The following CNOT2 variants were observed in gnomAD, a reference collection of about 807,000 sequenced individuals.
The protein encoded by CNOT2 is CC chemokine receptor 4-negative regulator of transcription 2.
In CNOT2, 7 loss-of-function variants were observed where a neutral mutation model predicts 72.1. That is an observed-to-expected ratio of 0.10 (90% CI 0.06 to 0.18). The LOEUF is 0.18. Ranked by LOEUF, CNOT2 falls within the 10% of genes least tolerant of loss-of-function variation. CNOT2 has a pLI of 1.00. For missense variants in CNOT2, 345 were observed against 660.3 expected, an observed-to-expected ratio of 0.52 and a Z score of 5.23; for synonymous variants, 196 against 225.6, an observed-to-expected ratio of 0.87 and a Z score of 1.17.
At chr12:70,309,095 T>C (rs1466353522) in intron 2 of CNOT2, among the ~76,000 whole-genome samples, 1 of 152,116 alleles carries the variant, frequency 6.6e-6, no homozygotes, top group Non-Finnish European at 1.5e-5. Context: ...AATTACTCAC[T>C]AAGAAACATC....
At chr12:70,333,715 A>G (rs1880277513) in intron 7 of CNOT2, among the ~76,000 whole-genome samples, 1 of 152,022 alleles carries the variant, frequency 6.6e-6, no homozygotes, top group African/African-American at 2.4e-5. Flanking sequence ...GCTCAGCAGC[A>G]TAGATTAATC....
chr12:70,260,705 G>A (rs1408916627), intron 1 of CNOT2, among the ~76,000 whole-genome samples: 3 of 151,824 alleles, frequency 2.0e-5, no homozygotes, highest in African/African-American at 7.3e-5. Flanking sequence ...GTCAGTTTTT[G>A]CTTCATTCAT....
In CNOT2 at chr12:70,329,391, A is replaced by G. The variant is rs769223689; in HGVS notation, c.239-32A>G. On this transcript the variant is annotated intron_variant, in intron 4 of 15. Transcript: ENST00000229195. ...GATAACAATTTCATTCCTGATGGCA[A>G]TGAATTTCCTTCTTCTGAATTTTTT... is the stretch of plus-strand genomic sequence containing the variant. 5 of 1,578,964 alleles carry G rather than the reference A, an allele frequency of 3.2e-6. No homozygotes were observed. In the African/African-American group the frequency reaches 5.4e-5, roughly 17 times the overall value.
intron 1 of CNOT2, among the ~76,000 whole-genome samples, chr12:70,261,203 A>AT (rs1470673910): frequency 2.0e-5 from 3 of 149,406 alleles, no homozygotes; most frequent in Non-Finnish European, 4.4e-5. Flanking sequence ...CAGTTCTTGA[A>AT]TTTTTGGGAT....
At chr12:70,335,667 T>G in intron 8 of CNOT2, 104 bp downstream of exon 8, 1 of 773,564 alleles carries the variant, frequency 1.3e-6, no homozygotes, top group South Asian at 2.1e-5. Context: ...TGTACACATG[T>G]ATGTTTGCAT....
rs144580442 is a variant in CNOT2 at position 70,262,571 on chromosome 12, G to A, written c.-95-15561G>A. On this transcript the variant is annotated intron_variant, in intron 1 of 15. Coordinates refer to ENST00000229195, the MANE Select transcript of CNOT2 (RefSeq NM_014515.7). ...ATTATAGGCGTGAGCCACGGCGCCC[G>A]GCCTAATTACATAATTATTTTTATC... 3.2e-3 allele frequency among the ~76,000 whole-genome samples: 484 copies of A among 152,336 alleles called. 5 individuals are homozygous for A. Among genetic ancestry groups the A allele is most frequent in the African/African-American group, 0.011 (443 of 41,572 alleles).
chr12:70,267,616 A>C (rs1212750610), intron 1 of CNOT2, among the ~76,000 whole-genome samples: 1 of 152,226 alleles, frequency 6.6e-6, no homozygotes, highest in African/African-American at 2.4e-5. Flanking sequence ...CTTCAAGTGG[A>C]ATGTGGAAAC....
intron 2 of CNOT2, among the ~76,000 whole-genome samples, chr12:70,305,127 G>T (rs1209084234): frequency 4.6e-5 from 7 of 152,232 alleles, no homozygotes; most frequent in Non-Finnish European, 8.8e-5. Context: ...CCCGGGTGAG[G>T]CGATGCCCCG....
intron 4 of CNOT2, chr12:70,321,817 A>G (rs1320826558): frequency 6.6e-6 from 1 of 150,688 alleles, no homozygotes; most frequent in African/African-American, 2.5e-5. Context: ...GTCTTGGAAT[A>G]GATACAGAAG....
rs573786113 is a variant in CNOT2 at position 70,292,030 on chromosome 12, G to C, written c.48+13756G>C. Reference sequence around the variant, plus strand: ...AGGAGTGGACAGAAATGTAAGGGCAGACAGGTATTTGCATGTTCTCACAGT... The same window carrying C: ...AGGAGTGGACAGAAATGTAAGGGCACACAGGTATTTGCATGTTCTCACAGT... On this transcript the variant is annotated intron_variant, in intron 2 of 15. Coordinates refer to ENST00000229195, the MANE Select transcript of CNOT2 (RefSeq NM_014515.7). 3.9e-5 allele frequency among the ~76,000 whole-genome samples: 6 copies of C among 152,312 alleles called. No homozygotes were observed. In the South Asian group the frequency reaches 6.2e-4, roughly 16 times the overall value.
At chr12:70,305,480 C>A (rs946360342) in intron 2 of CNOT2, among the ~76,000 whole-genome samples, 1 of 151,938 alleles carries the variant, frequency 6.6e-6, no homozygotes, top group Non-Finnish European at 1.5e-5. Context: ...TAGGAAATGA[C>A]CGTAGAGATG....
intron 3 of CNOT2, among the ~76,000 whole-genome samples, chr12:70,318,629 A>G (rs1877759593): frequency 6.6e-6 from 1 of 151,816 alleles, no homozygotes; most frequent in Non-Finnish European, 1.5e-5. Context: ...AGCATTTACC[A>G]CACTGTGCCT....
chr12:70,305,829 T>TTAC (rs1483465401), intron 2 of CNOT2, among the ~76,000 whole-genome samples: 1 of 151,392 alleles, frequency 6.6e-6, no homozygotes, highest in African/African-American at 2.4e-5. Flanking sequence ...AGGGACCACT[T>TTAC]TACCCGTCTT....
Position 70,344,045 on chromosome 12 carries a change from A to C in CNOT2, c.1291-83A>C, listed in dbSNP as rs551958592. 7.3e-6 allele frequency: 6 copies of C among 822,886 alleles called. No individual in the cohort carries two copies. In the Admixed American group the frequency reaches 7.9e-5, roughly 11 times the overall value. The allele number at this position is 822,886 out of a possible 1,614,324, so 51.0% of individuals were successfully genotyped here. Reference sequence around the variant, plus strand: ...GTGGGGAGTTTCTGTTTATCTCTCCATTTTTTCTTTAGTAGTAGCAACTAT... The same window carrying C: ...GTGGGGAGTTTCTGTTTATCTCTCCCTTTTTTCTTTAGTAGTAGCAACTAT... On this transcript the variant is annotated intron_variant, in intron 13 of 15. Transcript: ENST00000229195.
intron 2 of CNOT2, 144 bp from the exon 3 acceptor site, chr12:70,310,751 T>C: frequency 3.4e-6 from 2 of 585,046 alleles, no homozygotes; most frequent in Non-Finnish European, 5.9e-6. Context: ...TTTATGACTT[T>C]ATCACATGCG....
intron 15 of CNOT2, among the ~76,000 whole-genome samples, chr12:70,348,847 AT>A (rs973708079): frequency 1.4e-4 from 22 of 151,834 alleles, no homozygotes; most frequent in African/African-American, 3.9e-4. Flanking sequence ...GGATTTACAT[AT>A]TTTTTATATA....
chr12:70,351,314 C>T (rs76976471), intron 15 of CNOT2, among the ~76,000 whole-genome samples: 14,497 of 152,108 alleles, frequency 0.095, 898 homozygotes, highest in Middle Eastern at 0.19. Context: ...TAGACACTTG[C>T]TCCTACAGAA....
chr12:70,273,387 T>C (rs924779133), intron 1 of CNOT2, among the ~76,000 whole-genome samples: 1 of 152,172 alleles, frequency 6.6e-6, no homozygotes, highest in African/African-American at 2.4e-5. Context: ...CAGTTAACTT[T>C]CAAGATATCT....
chr12:70,337,543 G>A, intron 9 of CNOT2, 30 bp downstream of exon 9: 1 of 1,601,876 alleles, frequency 6.2e-7, no homozygotes, highest in African/African-American at 1.3e-5. Context: ...GTATGTGAGT[G>A]ATGTAGTTTT....
Sources: gnomAD v4.1 joint callset for allele counts (sites outside exome capture counted in the v4.1 genomes callset) on GRCh38, gnomAD v4.1.1 for gene constraint, MANE v1.5 for transcripts, NCBI Gene and HGNC (gene_info 2026-07-23, HGNC 2026-07-21) for gene names.